The following TTC6 variants were observed in gnomAD, a reference collection of about 807,000 sequenced individuals.
TTC6 encodes the protein tetratricopeptide repeat protein 6.
A neutral mutation model predicts 210.4 loss-of-function variants in TTC6; 172 were observed. The observed-to-expected ratio is 0.82, with a 90% CI of 0.72 to 0.93. TTC6 has a LOEUF of 0.93. Among genes scored for constraint, TTC6 ranks in the 40% least tolerant of loss-of-function variants. The pLI is 0.00. For synonymous variants in TTC6, 804 were observed against 819.6 expected (o/e 0.98, Z 0.32); for missense variants, 2,414 against 2,318.1 (o/e 1.04, Z -0.85).
chr14:37,687,426 G>T (rs192964228), intron 3 of TTC6, among the ~76,000 whole-genome samples: 7 of 152,220 alleles, frequency 4.6e-5, no homozygotes, highest in Non-Finnish European at 7.4e-5. Context: ...CAACATGTAG[G>T]TAAGTCCTAG....
chr14:37,670,474 C>CATTTTTTTTT (rs532690678), intron 1 of TTC6, among the ~76,000 whole-genome samples: 6 of 121,326 alleles, frequency 4.9e-5, no homozygotes, highest in Non-Finnish European at 1.0e-4. Context: ...AACTACCTCA[C>CATTTTTTTTT]TTTTTTTTTT....
Position 37,682,924 on chromosome 14 carries a change from C to T in TTC6, c.1217C>T (p.Pro406Leu), listed in dbSNP as rs939763935. The T allele has an allele frequency of 3.3e-6, 5 of 1,535,352 alleles. No individual in the cohort carries two copies. The African/African-American group carries it at 5.5e-5, about 17-fold the overall frequency. Residue 406 changes from proline (P) to leucine (L), a missense_variant, in exon 3 of 31, where the codon CCC becomes CTC. Pro to Leu is a moderately conservative substitution (Grantham distance 98). Coordinates refer to ENST00000553443, the Ensembl canonical transcript of TTC6. ...AGTAAACCTTTGGAAGATGGACAGC[C>T]CACAAGTGATTCAAAAGAAGCCAAG... is the stretch of plus-strand genomic sequence containing the variant.
rs140714920 is a variant in TTC6, at chr14:37,817,818, G to A, written c.4763+167G>A. ...CACAAAGAGTTCCCTGTGTAGACAC[G>A]GGGACCACACTTAGTGTTCCTCAGC... is the stretch of plus-strand genomic sequence containing the variant. On this transcript the variant is annotated intron_variant, in intron 26 of 30. Coordinates refer to ENST00000553443, the Ensembl canonical transcript of TTC6. Among the ~76,000 whole-genome samples the A allele has an allele frequency of 7.9e-4, 120 of 151,958 alleles. No individual in the cohort carries two copies. The Middle Eastern group carries it at 0.01, about 13-fold the overall frequency.
chr14:37,808,793 A>G (rs1291598051), exon 24 of TTC6: 1 of 1,534,834 alleles, frequency 6.5e-7, no homozygotes, highest in Non-Finnish European at 8.7e-7. Flanking sequence ...AAATAGTTAT[A>G]CAGCATTTTA....
intron 24 of TTC6, among the ~76,000 whole-genome samples, chr14:37,811,906 A>G (rs1260486399): frequency 1.3e-5 from 2 of 152,184 alleles, no homozygotes; most frequent in Non-Finnish European, 2.9e-5. Context: ...AACAAAATGG[A>G]TAAGCTCTGG....
chr14:37,831,941 A>T lies in TTC6; in HGVS notation c.5298+4575A>T, dbSNP rs371662243. ...TGCAGAAGCTTTTTCAGCTTGATAT[A>T]AACCCACTTGTCTGTTTTTGCTTTT... On this transcript the variant is annotated intron_variant, in intron 29 of 30. Transcript: ENST00000553443. 2.1e-4 allele frequency among the ~76,000 whole-genome samples: 32 copies of T among 152,234 alleles called. No individual in the cohort carries two copies. In the East Asian group the frequency reaches 5.0e-3, roughly 24 times the overall value.
chr14:37,733,905 C>T (rs961543419), intron 7 of TTC6, among the ~76,000 whole-genome samples: 3 of 151,998 alleles, frequency 2.0e-5, no homozygotes, highest in Non-Finnish European at 4.4e-5. Context: ...TCCACGAATT[C>T]TCTCTTTAGT....
chr14:37,826,272 T>G lies in TTC6; in HGVS notation c.5052T>G (p.Tyr1684Ter). 6.2e-7 allele frequency: 1 copy of G among 1,612,904 alleles called. No homozygotes were observed. The highest frequency in any genetic ancestry group is 8.5e-7 in the Non-Finnish European group (1 of 1,179,232). ...CTGATCCAAAGAACTACCTAGCCTA[T>G]GAAGGAAGAGCTGTGGTCTGTCTTC... The change falls in exon 28 of 31, where the codon TAT becomes TAG. Residue 1684 changes from tyrosine (Y) to a stop codon, truncating the protein, a stop_gained. Coordinates refer to ENST00000553443, the Ensembl canonical transcript of TTC6. LOFTEE classifies it high-confidence loss of function.
chr14:37,649,909 G>A (rs2095708126), intron 1 of TTC6, among the ~76,000 whole-genome samples: 1 of 152,114 alleles, frequency 6.6e-6, no homozygotes, highest in African/African-American at 2.4e-5. Flanking sequence ...ATGGAGTTTA[G>A]GTCCTACAAC....
At chr14:37,751,744 T>G (rs1307289287) in intron 13 of TTC6, among the ~76,000 whole-genome samples, 1 of 151,812 alleles carries the variant, frequency 6.6e-6, no homozygotes, top group Non-Finnish European at 1.5e-5. Context: ...TTACAAATTA[T>G]GGTAAGTACT....
At chr14:37,632,339 T>C (rs1289126412) in intron 1 of TTC6, among the ~76,000 whole-genome samples, 1 of 152,246 alleles carries the variant, frequency 6.6e-6, no homozygotes, top group Non-Finnish European at 1.5e-5. Flanking sequence ...GCTATTCTTT[T>C]CTGTTTGTTA....
intron 25 of TTC6, among the ~76,000 whole-genome samples, chr14:37,813,051 T>G (rs2096133233): frequency 6.6e-6 from 1 of 152,152 alleles, no homozygotes; most frequent in African/African-American, 2.4e-5. Context: ...AAACAGAAGG[T>G]AAAAATTAAA....
chr14:37,801,552 G>A (rs1367840643), intron 20 of TTC6, among the ~76,000 whole-genome samples: 3 of 152,076 alleles, frequency 2.0e-5, no homozygotes, highest in Non-Finnish European at 2.9e-5. Flanking sequence ...CAATTATGTT[G>A]CAGTATATAA....
At chr14:37,740,048 C>T (rs2095914212) in intron 10 of TTC6, among the ~76,000 whole-genome samples, 1 of 151,392 alleles carries the variant, frequency 6.6e-6, no homozygotes, top group Admixed American at 6.6e-5. Flanking sequence ...CCTGTAGTCC[C>T]AGCTGTTCGG....
intron 14 of TTC6, among the ~76,000 whole-genome samples, chr14:37,768,733 C>G (rs1477796651): frequency 1.3e-5 from 2 of 152,130 alleles, no homozygotes; most frequent in Non-Finnish European, 2.9e-5. Flanking sequence ...GATATACAAT[C>G]ATGTCGTCTG....
At chr14:37,595,868 G>A (rs954058413) in exon 1 of TTC6, 2 of 152,016 alleles carry the variant, frequency 1.3e-5, no homozygotes, top group East Asian at 1.9e-4. Flanking sequence ...GACTAGAAAA[G>A]GGAAAAAGCC....
At position 37,622,722 on chromosome 14, in the gene TTC6, G is replaced by T. The variant is rs546364352; in HGVS notation, c.658G>T (p.Gly220Trp). Residue 220 changes from glycine (G) to tryptophan (W), a missense_variant, in exon 1 of 31, where the codon GGG (glycine) becomes TGG (tryptophan). Coordinates refer to ENST00000553443, the Ensembl canonical transcript of TTC6. ...GGACGGCTACATGGAGGCCAGCAGC[G>T]GGCGGAGGAAAGTGAGGATCCGCAG... 3.4e-4 allele frequency: 520 copies of T among 1,535,056 alleles called. 8 individuals carry two copies. The South Asian group carries it at 5.9e-3, about 17-fold the overall frequency.
In TTC6 at chr14:37,719,857, T is replaced by C. The variant is rs2095858542; in HGVS notation, c.1714-5041T>C. ...GGAAAAATAGATAAATTGGACTTCA[T>C]CAGAATTAATTTTTTTTTTCTCTAC... On this transcript the variant is annotated intron_variant, in intron 6 of 30. Coordinates refer to ENST00000553443, the Ensembl canonical transcript of TTC6. 2.7e-5 allele frequency among the ~76,000 whole-genome samples: 4 copies of C among 146,164 alleles called. No homozygotes were observed. The South Asian group carries it at 9.0e-4, about 33-fold the overall frequency.
intron 7 of TTC6, among the ~76,000 whole-genome samples, chr14:37,732,173 C>CTT (rs61444309): frequency 5.2e-5 from 3 of 57,586 alleles, no homozygotes; most frequent in African/African-American, 2.1e-4. Context: ...GTACTGTATT[C>CTT]TTTTTTTTTT....
Sources: gnomAD v4.1 joint callset for allele counts (sites outside exome capture counted in the v4.1 genomes callset) on GRCh38, gnomAD v4.1.1 for gene constraint, MANE v1.5 for transcripts, NCBI Gene and HGNC (gene_info 2026-07-23, HGNC 2026-07-21) for gene names.